Variants in C8orf34 observed in about 807,000 individuals in gnomAD.
The protein encoded by C8orf34 is chromosome 8 open reading frame 34.
A neutral mutation model predicts 68.3 loss-of-function variants in C8orf34; 65 were observed. The ratio of observed to expected loss-of-function variants is 0.95; its 90% CI spans 0.78 to 1.17. C8orf34 has a LOEUF of 1.17. Among genes scored for constraint, C8orf34 ranks in the 50% most tolerant of loss-of-function variants. The pLI is 0.00. For synonymous variants in C8orf34, 244 were observed against 241.2 expected, an observed-to-expected ratio of 1.01 and a Z score of -0.11; for missense variants, 664 against 655.4, an observed-to-expected ratio of 1.01 and a Z score of -0.14.
intron 8 of C8orf34, among the ~76,000 whole-genome samples, chr8:68,656,672 G>C (rs1819518865): frequency 6.6e-6 from 1 of 152,094 alleles, no homozygotes; most frequent in African/African-American, 2.4e-5. Context: ...TGAAGTTGCA[G>C]CCCCACAGCT....
intron 1 of C8orf34, among the ~76,000 whole-genome samples, chr8:68,415,664 C>G (rs919223506): frequency 7.2e-5 from 11 of 152,122 alleles, no homozygotes; most frequent in Admixed American, 4.6e-4. Context: ...GATTACTTAG[C>G]CATTCATATT....
intron 1 of C8orf34, among the ~76,000 whole-genome samples, chr8:68,386,514 C>T (rs1381412989): frequency 2.6e-5 from 4 of 152,134 alleles, no homozygotes; most frequent in Non-Finnish European, 4.4e-5. Context: ...GTGGAAACAA[C>T]GTAATACCAT....
chr8:68,656,392 G>A (rs1819512008), intron 8 of C8orf34, among the ~76,000 whole-genome samples: 1 of 152,106 alleles, frequency 6.6e-6, no homozygotes, highest in Non-Finnish European at 1.5e-5. Flanking sequence ...TCAACTGTAT[G>A]TATGAAGAAA....
intron 3 of C8orf34, among the ~76,000 whole-genome samples, chr8:68,467,728 T>C (rs1812209753): frequency 6.6e-6 from 1 of 152,022 alleles, no homozygotes; most frequent in Admixed American, 6.6e-5. Context: ...TTTTCAGTCC[T>C]TCAAAGTATC....
intron 7 of C8orf34, among the ~76,000 whole-genome samples, chr8:68,611,650 T>C (rs1290629843): frequency 6.6e-6 from 1 of 152,182 alleles, no homozygotes; most frequent in African/African-American, 2.4e-5. Context: ...AAGCTTTTAT[T>C]TTGTAGTGAT....
At chr8:68,434,185 G>T (rs1810561098) in intron 1 of C8orf34, among the ~76,000 whole-genome samples, 1 of 152,132 alleles carries the variant, frequency 6.6e-6, no homozygotes, top group South Asian at 2.1e-4. Flanking sequence ...GTGCAGGTTT[G>T]TTACATAGGT....
chr8:68,583,591 A>C (rs545307094), intron 7 of C8orf34, among the ~76,000 whole-genome samples: 2 of 152,296 alleles, frequency 1.3e-5, no homozygotes, highest in African/African-American at 4.8e-5. Context: ...GATATATTTC[A>C]TTGCGTTAAT....
At chr8:68,404,469 T>C (rs2129621418) in intron 1 of C8orf34, among the ~76,000 whole-genome samples, 1 of 152,316 alleles carries the variant, frequency 6.6e-6, no homozygotes, top group South Asian at 2.1e-4. Context: ...TCCTGAATGG[T>C]ATTGCCTCGG....
chr8:68,743,426 G>C (rs1822364796), intron 10 of C8orf34, among the ~76,000 whole-genome samples: 3 of 152,320 alleles, frequency 2.0e-5, no homozygotes, highest in Non-Finnish European at 4.4e-5. Context: ...CAGAAGACGG[G>C]TGATTTCTGC....
chr8:68,738,693 G>C (rs943228473), intron 10 of C8orf34, among the ~76,000 whole-genome samples: 6 of 151,974 alleles, frequency 3.9e-5, no homozygotes, highest in African/African-American at 1.2e-4. Context: ...AGAGGAAATG[G>C]ATAAATTCCT....
At chr8:68,791,281 A>G in intron 12 of C8orf34, 1 of 240,762 alleles carries the variant, frequency 4.2e-6, no homozygotes, top group Non-Finnish European at 7.9e-6. Flanking sequence ...AGTGAAAGCC[A>G]CACATTTTTA....
chr8:68,742,387 C>G (rs554720024), intron 10 of C8orf34, among the ~76,000 whole-genome samples: 1 of 152,288 alleles, frequency 6.6e-6, no homozygotes, highest in African/African-American at 2.4e-5. Context: ...GCAAGTAAAA[C>G]CAAACAAACA....
chr8:68,543,762 G>A (rs1815777905), intron 7 of C8orf34, among the ~76,000 whole-genome samples: 1 of 152,112 alleles, frequency 6.6e-6, no homozygotes, highest in Non-Finnish European at 1.5e-5. Flanking sequence ...TAAAGTTTTT[G>A]AATTTAATAT....
chr8:68,509,160 C>CA (rs1814152690), intron 5 of C8orf34, among the ~76,000 whole-genome samples: 1 of 152,112 alleles, frequency 6.6e-6, no homozygotes, highest in South Asian at 2.1e-4. Context: ...TTCCTGCTGA[C>CA]AGGGGGCACT....
chr8:68,747,691 C>A (rs1358256781), intron 10 of C8orf34, among the ~76,000 whole-genome samples: 2 of 151,954 alleles, frequency 1.3e-5, no homozygotes, highest in South Asian at 2.1e-4. Context: ...ATGTGAAGGA[C>A]CTCTTCAAGG....
chr8:68,376,653 A>G (rs1456232760), intron 1 of C8orf34, among the ~76,000 whole-genome samples: 1 of 148,962 alleles, frequency 6.7e-6, no homozygotes, highest in African/African-American at 2.5e-5. Context: ...CTCCAGGCCC[A>G]TTTATTCAAC....
intron 1 of C8orf34, among the ~76,000 whole-genome samples, chr8:68,370,947 C>T (rs558934540): frequency 9.6e-4 from 146 of 152,154 alleles, no homozygotes; most frequent in African/African-American, 3.2e-3. Flanking sequence ...ACATGTCTTC[C>T]AGGAGCAAGC....
chr8:68,527,158 C>T (rs1026412770), intron 6 of C8orf34, among the ~76,000 whole-genome samples: 9 of 152,148 alleles, frequency 5.9e-5, no homozygotes, highest in East Asian at 1.9e-4. Flanking sequence ...CAAGAGGAGG[C>T]GTTCACATGT....
chr8:68,423,378 G>T (rs1381064199), intron 1 of C8orf34, among the ~76,000 whole-genome samples: 1 of 152,138 alleles, frequency 6.6e-6, no homozygotes, highest in African/African-American at 2.4e-5. Flanking sequence ...AGCATAGCAA[G>T]ATGGGAACTT....
Sources: allele counts gnomAD v4.1 joint callset (sites outside exome capture counted in the v4.1 genomes callset), GRCh38; gene constraint gnomAD v4.1.1; transcripts MANE v1.5; gene names NCBI Gene and HGNC (gene_info 2026-07-23, HGNC 2026-07-21).